The following PIK3R5 variants were observed in gnomAD, a reference collection of about 807,000 sequenced individuals.
The protein encoded by PIK3R5 is phosphoinositide-3-kinase regulatory subunit 5.
PIK3R5 carries 32 observed loss-of-function variants against 94.9 expected under a neutral mutation model. The observed-to-expected ratio is 0.34, with a 90% confidence interval of 0.25 to 0.45. The LOEUF is 0.45. Ranked by LOEUF, PIK3R5 falls within the 20% of genes least tolerant of loss-of-function variation. The probability of loss-of-function intolerance (pLI) is 1.00; values close to 1 mark genes in which losing one functional copy is unlikely to be tolerated. For missense variants in PIK3R5, 853 were observed against 1,144.6 expected, an observed-to-expected ratio of 0.75 and a Z score of 3.68; for synonymous variants, 443 against 479.4, an observed-to-expected ratio of 0.92 and a Z score of 0.99.
At chr17:8,923,412 C>T (rs2090793618) in intron 1 of PIK3R5, among the ~76,000 whole-genome samples, 1 of 152,192 alleles carries the variant, frequency 6.6e-6, no homozygotes, top group African/African-American at 2.4e-5. Flanking sequence ...GTCATTAAAT[C>T]CATGTGAGGT....
intron 1 of PIK3R5, among the ~76,000 whole-genome samples, chr17:8,953,898 A>T (rs1354236575): frequency 6.6e-6 from 1 of 152,138 alleles, no homozygotes; most frequent in Non-Finnish European, 1.5e-5. Flanking sequence ...GAGGAGGCAG[A>T]GGGTCCAGTA....
At chr17:8,887,002 G>C in intron 12 of PIK3R5, 94 bp downstream of exon 12, 1 of 1,428,458 alleles carries the variant, frequency 7.0e-7, no homozygotes. Flanking sequence ...CTCCATGGGG[G>C]CCTCAAGCCT....
rs559800651 is a variant in PIK3R5 at position 8,916,579 on chromosome 17, G to A, written c.-13-5072C>T. The A allele has an allele frequency of 5.5e-5, 8 of 144,886 alleles. No homozygotes were observed. In the East Asian group the frequency reaches 1.7e-3, roughly 30 times the overall value. 9.0% of individuals were successfully genotyped at this position (144,886 alleles called of 1,614,324 possible). ...TCCCCCATCTCCAAGTTCCTCTTCT[G>A]AGCCAGCAAAGAGGACTCATAGTCC... On this transcript the variant is annotated intron_variant, in intron 1 of 18. Coordinates refer to ENST00000447110, the MANE Select transcript of PIK3R5 (RefSeq NM_001142633.3).
Position 8,892,142 on chromosome 17 carries a change from C to T in PIK3R5, c.483-1230G>A, listed in dbSNP as rs1251654959. Among the ~76,000 whole-genome samples, 3 of 152,156 alleles carry T rather than the reference C, an allele frequency of 2.0e-5. No individual in the cohort carries two copies. The highest frequency in any genetic ancestry group is 7.2e-5 in the African/African-American group (3 of 41,416). On this transcript the variant is annotated intron_variant, in intron 6 of 18. Transcript: ENST00000447110. The surrounding 1 kb of genome is among the most constrained non-coding windows in gnomAD (Gnocchi z 4.3). ...CTCAATTCCACACTGCGTTTAAACC[C>T]AGTGCAAAGGAGCACCACGCAGGGC... is the stretch of plus-strand genomic sequence containing the variant.
chr17:8,931,569 CGAGTT>C (rs773901964), intron 1 of PIK3R5, among the ~76,000 whole-genome samples: 2 of 152,162 alleles, frequency 1.3e-5, no homozygotes, highest in East Asian at 3.9e-4. Flanking sequence ...GGGGGCTTTC[CGAGTT>C]GAGGAGACAG....
At position 8,925,219 on chromosome 17, in the gene PIK3R5, G is replaced by GAGAAAAAAGGAACACACA. The variant is rs1567658320; in HGVS notation, c.-13-13713_-13-13712insTGTGTGTTCCTTTTTTCT. Among the ~76,000 whole-genome samples the GAGAAAAAAGGAACACACA allele has an allele frequency of 1.3e-5, 2 of 151,798 alleles. No individual in the cohort carries two copies. Among genetic ancestry groups the GAGAAAAAAGGAACACACA allele is most frequent in the African/African-American group, 4.9e-5 (2 of 41,234 alleles). On this transcript the variant is annotated intron_variant, in intron 1 of 18. Transcript: ENST00000447110. The surrounding 1 kb of genome is among the most constrained non-coding windows in gnomAD (Gnocchi z 5.1). ...AAGTAGATGGATAGATAGATAGATA[G>GAGAAAAAAGGAACACACA]TAGATGGATAGATAGATAGTAGATG...
Position 8,882,227 on chromosome 17 carries a change from ACC to A in PIK3R5, c.2206-348_2206-347del. ...CTGTTTCTGGCAGAGCCAGACCTGA[ACC>A]CCCTCTTCAAGTCTTTGTGTGAATG... On this transcript the variant is annotated intron_variant, in intron 15 of 18. Coordinates refer to ENST00000447110, the MANE Select transcript of PIK3R5 (RefSeq NM_001142633.3). This position sits in a 1 kb window ranked among gnomAD's most constrained non-coding sequence, Gnocchi z 4.1. 3.5e-6 allele frequency: 1 copy of A among 285,170 alleles called. No homozygotes were observed. Among genetic ancestry groups the A allele is most frequent in the South Asian group, 5.0e-5 (1 of 20,080 alleles). The allele number at this position is 285,170 out of a possible 1,614,324, so 17.7% of individuals were successfully genotyped here. A position where few individuals can be genotyped will look rare whatever the true frequency, so the allele number is the denominator to read the frequency against.
chr17:8,934,772 ATGT>A (rs199860891), intron 1 of PIK3R5, among the ~76,000 whole-genome samples: 2,983 of 152,262 alleles, frequency 0.02, 38 homozygotes, highest in Non-Finnish European at 0.029. Context: ...CATAGTATAC[ATGT>A]TGTTCTATGC....
At chr17:8,944,678 T>C (rs960263102) in intron 1 of PIK3R5, among the ~76,000 whole-genome samples, 2 of 152,204 alleles carry the variant, frequency 1.3e-5, no homozygotes, top group Non-Finnish European at 2.9e-5. Context: ...TCTCCAGACC[T>C]GTCTTCAGGC....
intron 1 of PIK3R5, among the ~76,000 whole-genome samples, chr17:8,959,175 C>G (rs552861223): frequency 3.9e-5 from 6 of 152,342 alleles, no homozygotes; most frequent in Non-Finnish European, 7.4e-5. Context: ...CACGCCGCTT[C>G]AGGGTTCTCA....
rs116999473 is a variant in PIK3R5, at chr17:8,928,880, C to G, written c.-13-17373G>C. Among the ~76,000 whole-genome samples the G allele has an allele frequency of 5.9e-3, 899 of 152,158 alleles. 4 individuals carry two copies. The highest frequency in any genetic ancestry group is 0.01 in the Non-Finnish European group (690 of 67,940). On this transcript the variant is annotated intron_variant, in intron 1 of 18. Coordinates refer to ENST00000447110, the MANE Select transcript of PIK3R5 (RefSeq NM_001142633.3). ...GATTTTCCTTCTCCTCTTGAGTTTT[C>G]TAAGTTATCTTAGATGGCTGAATAA... is the stretch of plus-strand genomic sequence containing the variant.
intron 1 of PIK3R5, among the ~76,000 whole-genome samples, chr17:8,917,682 A>G (rs1441484818): frequency 6.6e-6 from 1 of 152,168 alleles, no homozygotes; most frequent in Non-Finnish European, 1.5e-5. Flanking sequence ...CCTGACCAAT[A>G]TGGTGAAACC....
In PIK3R5 at chr17:8,890,722, G is replaced by C; in HGVS notation, c.657+16C>G. The C allele has an allele frequency of 6.3e-7, 1 of 1,596,364 alleles. No homozygotes were observed. On this transcript the variant is annotated intron_variant, in intron 7 of 18. Coordinates refer to ENST00000447110, the MANE Select transcript of PIK3R5 (RefSeq NM_001142633.3). The surrounding 1 kb of genome is among the most constrained non-coding windows in gnomAD (Gnocchi z 6.1). ...AGAGAGGTGCTCCACCAGAGCCCCA[G>C]GCCCCAGGTACATACCTGTAGCCTG...
At position 8,937,644 on chromosome 17, in the gene PIK3R5, T is replaced by C. The variant is rs143705645; in HGVS notation, c.-13-26137A>G. Among the ~76,000 whole-genome samples, 232 of 152,354 alleles carry C rather than the reference T, an allele frequency of 1.5e-3. 1 individual carries two copies. Among genetic ancestry groups the C allele is most frequent in the African/African-American group, 5.2e-3 (218 of 41,590 alleles). ...TTGGATTCAATTTGCTAATGTTTTA[T>C]TGAGGATTTTTACACCTATATTAAT... On this transcript the variant is annotated intron_variant, in intron 1 of 18. Coordinates refer to ENST00000447110, the MANE Select transcript of PIK3R5 (RefSeq NM_001142633.3).
intron 1 of PIK3R5, among the ~76,000 whole-genome samples, chr17:8,933,248 C>A (rs1417404382): frequency 6.6e-6 from 1 of 151,918 alleles, no homozygotes; most frequent in East Asian, 1.9e-4. Flanking sequence ...ACACATTTGT[C>A]AAAATTGTAC....
intron 1 of PIK3R5, among the ~76,000 whole-genome samples, chr17:8,950,133 T>C (rs1263551058): frequency 2.0e-5 from 3 of 152,214 alleles, no homozygotes; most frequent in Non-Finnish European, 4.4e-5. Context: ...TCTTGCTATA[T>C]AGTTTCATGA....
chr17:8,888,429 A>T lies in PIK3R5; in HGVS notation c.1358T>A (p.Leu453Gln), dbSNP rs992925733. 18 of 1,598,666 alleles carry T rather than the reference A, an allele frequency of 1.1e-5. No individual in the cohort carries two copies. Among genetic ancestry groups the T allele is most frequent in the Non-Finnish European group, 1.4e-5 (17 of 1,173,926 alleles). ...GCTGCAGAGGCTCCCTGCCCGCCTC[A>T]GGGGCAGGGCCGTGTCCGAGCTGCC... is the stretch of plus-strand genomic sequence containing the variant. ...LEGSSDTALP[L>Q]RRAGSLCSPL... Residue 453 changes from leucine (L) to glutamine (Q), a missense_variant, in exon 10 of 19, where the codon CTG becomes CAG. This residue lies in a region of PIK3R5 where 319 missense variants were observed against 339.8 expected (regional missense o/e 0.94). Coordinates refer to ENST00000447110, the MANE Select transcript of PIK3R5 (RefSeq NM_001142633.3). The surrounding 1 kb of genome is among the most constrained non-coding windows in gnomAD (Gnocchi z 7.8).
intron 1 of PIK3R5, among the ~76,000 whole-genome samples, chr17:8,915,485 C>A (rs1393634998): frequency 6.6e-6 from 1 of 152,058 alleles, no homozygotes; most frequent in Non-Finnish European, 1.5e-5. Flanking sequence ...TCTATCTACA[C>A]CAGCTGCCCC....
intron 1 of PIK3R5, among the ~76,000 whole-genome samples, chr17:8,936,182 C>T (rs2091073006): frequency 6.6e-6 from 1 of 152,114 alleles, no homozygotes; most frequent in Non-Finnish European, 1.5e-5. Context: ...CTCCTTCCTC[C>T]TCCCACCCAC....
Sources: allele counts gnomAD v4.1 joint callset (sites outside exome capture counted in the v4.1 genomes callset), GRCh38; gene constraint gnomAD v4.1.1; regional missense constraint gnomAD v4.1.1; non-coding constraint Gnocchi (gnomAD v3.1); transcripts MANE v1.5; gene names NCBI Gene and HGNC (gene_info 2026-07-23, HGNC 2026-07-21).